The following RBFOX1 variants were observed in gnomAD, a reference collection of about 807,000 sequenced individuals.
RBFOX1 encodes RNA binding fox-1 homolog 1.
In RBFOX1, 8 loss-of-function variants were observed where a neutral mutation model predicts 57.7. The observed-to-expected ratio is 0.14, with a 90% confidence interval of 0.08 to 0.25. The LOEUF (loss-of-function observed/expected upper bound fraction) is 0.25, where lower values mean the gene tolerates loss of function less well. Among genes scored for constraint, RBFOX1 ranks in the 10% least tolerant of loss-of-function variants. The pLI, the probability that RBFOX1 is intolerant of heterozygous loss-of-function variation, is 1.00. For synonymous variants in RBFOX1, 326 were observed against 222.4 expected, an observed-to-expected ratio of 1.47 and a Z score of -4.15; for missense variants, 611 against 548.5, an observed-to-expected ratio of 1.11 and a Z score of -1.14.
chr16:6,290,587 A>T (rs758807786), intron 1 of RBFOX1, among the ~76,000 whole-genome samples: 7 of 152,220 alleles, frequency 4.6e-5, no homozygotes, highest in Non-Finnish European at 8.8e-5. Context: ...AAAGAAAGGG[A>T]CATGGACAAC....
At chr16:7,173,491 A>G (rs1410545418) in intron 4 of RBFOX1, among the ~76,000 whole-genome samples, 9 of 149,022 alleles carry the variant, frequency 6.0e-5, no homozygotes, top group Non-Finnish European at 6.0e-5. Context: ...TCCATTTGAC[A>G]CTTTTTTTTT....
intron 2 of RBFOX1, among the ~76,000 whole-genome samples, chr16:5,477,604 G>A (rs889906864): frequency 6.6e-6 from 1 of 152,228 alleles, no homozygotes; most frequent in Non-Finnish European, 1.5e-5. Flanking sequence ...TCTGATTTTT[G>A]TCTAGACGAT....
At chr16:5,284,702 A>G (rs2063349470) in intron 1 of RBFOX1, among the ~76,000 whole-genome samples, 1 of 143,584 alleles carries the variant, frequency 7.0e-6, no homozygotes, top group Non-Finnish European at 1.5e-5. Context: ...CCACTGTGCC[A>G]GGCTCCTTCA....
At chr16:6,768,054 T>A (rs2077658046) in intron 3 of RBFOX1, among the ~76,000 whole-genome samples, 1 of 151,608 alleles carries the variant, frequency 6.6e-6, no homozygotes. Context: ...AAGGAGCTAG[T>A]GAATTTTCTC....
intron 1 of RBFOX1, among the ~76,000 whole-genome samples, chr16:6,250,702 A>G (rs1350119694): frequency 6.6e-6 from 1 of 152,160 alleles, no homozygotes; most frequent in Admixed American, 6.6e-5. Context: ...AGCATGGAGT[A>G]TGTTGCAGAG....
chr16:7,609,992 A>G (rs950250635), intron 10 of RBFOX1, among the ~76,000 whole-genome samples: 1 of 150,216 alleles, frequency 6.7e-6, no homozygotes, highest in African/African-American at 2.5e-5. Flanking sequence ...TAATTTTTGT[A>G]TTTTTAGTGG....
chr16:7,454,653 G>C (rs1288211230), intron 4 of RBFOX1, among the ~76,000 whole-genome samples: 1 of 152,184 alleles, frequency 6.6e-6, no homozygotes, highest in Non-Finnish European at 1.5e-5. Flanking sequence ...CTACAGGATA[G>C]CAAACATTTG....
chr16:6,016,705 G>T (rs2094995836), upstream of RBFOX1, among the ~76,000 whole-genome samples: 1 of 152,156 alleles, frequency 6.6e-6, no homozygotes, highest in Non-Finnish European at 1.5e-5. Context: ...AAGTCTCCAG[G>T]TTCTTTCTAA....
chr16:7,081,567 A>G (rs1161473191), intron 4 of RBFOX1, among the ~76,000 whole-genome samples: 3 of 152,278 alleles, frequency 2.0e-5, no homozygotes, highest in Middle Eastern at 3.4e-3. Context: ...TATATGGAGG[A>G]CATTATTTAT....
At chr16:6,238,598 C>G (rs894578030) in intron 1 of RBFOX1, among the ~76,000 whole-genome samples, 1 of 152,122 alleles carries the variant, frequency 6.6e-6, no homozygotes, top group African/African-American at 2.4e-5. Flanking sequence ...GCTTCAAATT[C>G]GAATCAGTTG....
chr16:6,760,893 T>C (rs186264202), intron 3 of RBFOX1, among the ~76,000 whole-genome samples: 75 of 152,238 alleles, frequency 4.9e-4, no homozygotes, highest in Admixed American at 2.2e-3. Context: ...TGGACTCTAA[T>C]GGATAGATCT....
chr16:6,893,094 C>T (rs181816903), intron 3 of RBFOX1, among the ~76,000 whole-genome samples: 4 of 152,184 alleles, frequency 2.6e-5, no homozygotes, highest in African/African-American at 9.7e-5. Flanking sequence ...CCTCACCTGA[C>T]CCTCCTAGAT....
chr16:6,491,452 A>T (rs2095630929), intron 2 of RBFOX1, among the ~76,000 whole-genome samples: 1 of 152,184 alleles, frequency 6.6e-6, no homozygotes, highest in Non-Finnish European at 1.5e-5. Flanking sequence ...GAATCTAAAC[A>T]TATAGAAGTT....
At chr16:5,496,493 A>G (rs2043006715) in intron 2 of RBFOX1, among the ~76,000 whole-genome samples, 1 of 151,542 alleles carries the variant, frequency 6.6e-6, no homozygotes, top group Non-Finnish European at 1.5e-5. Context: ...CTCTAGTCAC[A>G]TCTTCTTTCC....
chr16:6,827,179 TAAATC>T (rs1273907542), intron 3 of RBFOX1, among the ~76,000 whole-genome samples: 1 of 148,282 alleles, frequency 6.7e-6, no homozygotes, highest in Non-Finnish European at 1.5e-5. Flanking sequence ...TTTTTAAAAA[TAAATC>T]CATTGTATTA....
At chr16:6,889,956 G>C (rs1261995554) in intron 3 of RBFOX1, among the ~76,000 whole-genome samples, 1 of 152,178 alleles carries the variant, frequency 6.6e-6, no homozygotes, top group African/African-American at 2.4e-5. Flanking sequence ...GGTTACCTGT[G>C]ATAACTAGAA....
chr16:6,801,588 T>G (rs2085464619), intron 3 of RBFOX1, among the ~76,000 whole-genome samples: 1 of 151,866 alleles, frequency 6.6e-6, no homozygotes, highest in South Asian at 2.1e-4. Flanking sequence ...GGGTGGAGGT[T>G]GGGGAGATGG....
intron 1 of RBFOX1, among the ~76,000 whole-genome samples, chr16:6,216,770 G>C (rs77199832): frequency 0.016 from 2,468 of 152,088 alleles, 57 homozygotes; most frequent in African/African-American, 0.051. Flanking sequence ...AAACTAAAAA[G>C]CAAATTCTTT....
chr16:6,798,375 A>G (rs537697739), intron 3 of RBFOX1, among the ~76,000 whole-genome samples: 101 of 152,196 alleles, frequency 6.6e-4, no homozygotes, highest in Non-Finnish European at 8.2e-4. Flanking sequence ...CGTGAAAGCC[A>G]TTCTGAGACA....
Sources: gnomAD v4.1 joint callset for allele counts (sites outside exome capture counted in the v4.1 genomes callset) on GRCh38, gnomAD v4.1.1 for gene constraint, MANE v1.5 for transcripts, NCBI Gene and HGNC (gene_info 2026-07-23, HGNC 2026-07-21) for gene names.